The following TXNRD1 variants were observed in gnomAD, a reference collection of about 807,000 sequenced individuals.
TXNRD1 encodes the protein thioredoxin reductase 1, cytoplasmic.
TXNRD1 carries 57 observed loss-of-function variants against 80.3 expected under a neutral mutation model. That is an observed-to-expected ratio of 0.71 (90% CI 0.57 to 0.89). The LOEUF is 0.89. Among genes scored for constraint, TXNRD1 ranks in the 40% least tolerant of loss-of-function variants. The pLI is 0.00. For synonymous variants in TXNRD1, 291 were observed against 285.2 expected, an observed-to-expected ratio of 1.02 and a Z score of -0.20; for missense variants, 730 against 803.0, an observed-to-expected ratio of 0.91 and a Z score of 1.10.
At chr12:104,321,709 G>A (rs2035537925) in intron 10 of TXNRD1, among the ~76,000 whole-genome samples, 1 of 152,014 alleles carries the variant, frequency 6.6e-6, no homozygotes, top group Non-Finnish European at 1.5e-5. Context: ...ATTTCCCCTT[G>A]GTATATGATA....
intron 1 of TXNRD1, among the ~76,000 whole-genome samples, chr12:104,234,962 T>C (rs1176087516): frequency 6.6e-6 from 1 of 152,194 alleles, no homozygotes; most frequent in Non-Finnish European, 1.5e-5. Context: ...ATCTCTTATG[T>C]AATGTTCTTC....
At chr12:104,268,320 G>GCTAA (rs1309150751) in intron 3 of TXNRD1, among the ~76,000 whole-genome samples, 3 of 150,584 alleles carry the variant, frequency 2.0e-5, no homozygotes, top group Non-Finnish European at 4.4e-5. Context: ...GACCATCCTG[G>GCTAA]CTAACATGGT....
chr12:104,226,492 T>A (rs1347345459), intron 1 of TXNRD1, among the ~76,000 whole-genome samples: 2 of 152,180 alleles, frequency 1.3e-5, no homozygotes, highest in African/African-American at 2.4e-5. Context: ...TATAAGATGA[T>A]CTTTACAGAG....
At chr12:104,324,640 G>A (rs543405765) in intron 10 of TXNRD1, among the ~76,000 whole-genome samples, 4 of 152,074 alleles carry the variant, frequency 2.6e-5, no homozygotes, top group East Asian at 3.9e-4. Flanking sequence ...GTGAGCCACC[G>A]CACCCGACCC....
chr12:104,275,375 C>T (rs948457096), intron 3 of TXNRD1, among the ~76,000 whole-genome samples: 3 of 152,062 alleles, frequency 2.0e-5, no homozygotes, highest in African/African-American at 7.2e-5. Flanking sequence ...CATGCTTAGC[C>T]ACAGACTGCT....
intron 3 of TXNRD1, among the ~76,000 whole-genome samples, chr12:104,267,990 C>G (rs1379674989): frequency 6.6e-6 from 1 of 151,352 alleles, no homozygotes; most frequent in African/African-American, 2.4e-5. Context: ...GCTGGGATTA[C>G]AGGCACCTGC....
At chr12:104,281,849 C>A (rs1344047666) in intron 3 of TXNRD1, among the ~76,000 whole-genome samples, 1 of 152,162 alleles carries the variant, frequency 6.6e-6, no homozygotes, top group Non-Finnish European at 1.5e-5. Context: ...AAAATCCTGA[C>A]TATGGCCTGA....
Position 104,331,570 on chromosome 12 carries a change from C to T in TXNRD1, c.1579C>T (p.Pro527Ser), listed in dbSNP as rs773853213. 2 of 1,612,018 alleles carry T rather than the reference C, an allele frequency of 1.2e-6. No homozygotes were observed. Among genetic ancestry groups the T allele is most frequent in the South Asian group, 1.1e-5 (1 of 90,714 alleles). Residue 527 changes from proline (P) to serine (S), a missense_variant, in exon 14 of 17, where the codon CCT becomes TCT. By Grantham distance (74) the Pro-to-Ser change is moderately conservative. Transcript: ENST00000525566. ...AAATGTTCCAACCACTGTATTTACT[C>T]CTTTGGAATATGGTGCTTGTGGCCT... ...YENVPTTVFT[P>S]LEYGACGLSE...
chr12:104,327,538 A>G lies in TXNRD1; in HGVS notation c.1409A>G (p.Asp470Gly), dbSNP rs772432668. The G allele has an allele frequency of 1.2e-5, 20 of 1,613,496 alleles. No individual in the cohort carries two copies. The East Asian group carries it at 3.8e-4, about 31-fold the overall frequency. The change falls in exon 13 of 17, where the codon GAT becomes GGT. Residue 470 changes from aspartate to glycine, a missense_variant. By Grantham distance (94) the Asp-to-Gly change is moderately conservative. Transcript: ENST00000525566. ...NEKTGKIPVT[D>G]EEQTNVPYIY... ...AGGACTGGAAAAATACCTGTCACAG[A>G]TGAAGAACAGACCAATGTGCCTTAC...
At chr12:104,220,126 G>A (rs1408222804) in intron 1 of TXNRD1, among the ~76,000 whole-genome samples, 1 of 152,180 alleles carries the variant, frequency 6.6e-6, no homozygotes, top group East Asian at 1.9e-4. Flanking sequence ...ATGGGGCTGA[G>A]GCTGGGGTGG....
At chr12:104,265,458 G>C in intron 3 of TXNRD1, 1 of 1,606,524 alleles carries the variant, frequency 6.2e-7, no homozygotes, top group Non-Finnish European at 8.5e-7. Flanking sequence ...TTGTATCTCA[G>C]TTAAAGAAGA....
At chr12:104,224,661 G>T (rs147459587) in intron 1 of TXNRD1, among the ~76,000 whole-genome samples, 1 of 152,178 alleles carries the variant, frequency 6.6e-6, no homozygotes, top group South Asian at 2.1e-4. Context: ...TGGGATTATA[G>T]GCATGAGCCA....
chr12:104,290,463 A>G (rs1235043600), intron 4 of TXNRD1, among the ~76,000 whole-genome samples: 1 of 151,756 alleles, frequency 6.6e-6, no homozygotes, highest in Non-Finnish European at 1.5e-5. Flanking sequence ...AGGCCGAGGC[A>G]GGCGGATTGC....
At chr12:104,249,791 C>T (rs373941008) in intron 1 of TXNRD1, among the ~76,000 whole-genome samples, 1 of 151,680 alleles carries the variant, frequency 6.6e-6, no homozygotes, top group Non-Finnish European at 1.5e-5. Context: ...AAAAATTAGC[C>T]GGGCGTGGTG....
At chr12:104,225,492 C>T (rs1163033357) in intron 1 of TXNRD1, among the ~76,000 whole-genome samples, 2 of 152,158 alleles carry the variant, frequency 1.3e-5, no homozygotes, top group African/African-American at 2.4e-5. Flanking sequence ...GTGTCAAGGG[C>T]AGTACCAGAT....
chr12:104,243,947 G>A (rs771588275), intron 1 of TXNRD1, among the ~76,000 whole-genome samples: 1 of 152,090 alleles, frequency 6.6e-6, no homozygotes, highest in Non-Finnish European at 1.5e-5. Context: ...TGCCACTTGG[G>A]GATAACTCAA....
At chr12:104,243,394 G>C (rs1172596657) in intron 1 of TXNRD1, among the ~76,000 whole-genome samples, 1 of 152,118 alleles carries the variant, frequency 6.6e-6, no homozygotes. Context: ...ACACTGTAAT[G>C]GGTATAGCTT....
At chr12:104,217,725 G>A (rs550493810) in intron 1 of TXNRD1, among the ~76,000 whole-genome samples, 2 of 152,210 alleles carry the variant, frequency 1.3e-5, no homozygotes, top group African/African-American at 2.4e-5. Flanking sequence ...ATGCCAACTC[G>A]TTAACTTTTC....
intron 12 of TXNRD1, among the ~76,000 whole-genome samples, chr12:104,326,751 C>T (rs1404172506): frequency 6.6e-6 from 1 of 152,142 alleles, no homozygotes; most frequent in Non-Finnish European, 1.5e-5. Flanking sequence ...CATGTGTGAG[C>T]CACTGTGCCT....
Sources: gnomAD v4.1 joint callset for allele counts (sites outside exome capture counted in the v4.1 genomes callset) on GRCh38, gnomAD v4.1.1 for gene constraint, MANE v1.5 for transcripts, NCBI Gene and HGNC (gene_info 2026-07-23, HGNC 2026-07-21) for gene names.